The following TUSC3 variants were observed in gnomAD, a reference collection of about 807,000 sequenced individuals.
TUSC3 encodes the protein dolichyl-diphosphooligosaccharide--protein glycosyltransferase subunit TUSC3.
In TUSC3, 45 loss-of-function variants were observed where a neutral mutation model predicts 44.8. That is an observed-to-expected ratio of 1.00 (90% CI 0.79 to 1.29). The LOEUF (loss-of-function observed/expected upper bound fraction) is 1.29, where lower values mean the gene tolerates loss of function less well. Among genes scored for constraint, TUSC3 ranks in the 50% most tolerant of loss-of-function variants. The probability of loss-of-function intolerance (pLI) is 0.00; values close to 1 mark genes in which losing one functional copy is unlikely to be tolerated. For missense variants in TUSC3, 519 were observed against 437.9 expected (o/e 1.19, Z -1.65); for synonymous variants, 212 against 152.9 (o/e 1.39, Z -2.85).
chr8:15,744,669 G>A (rs994868409), intron 8 of TUSC3, among the ~76,000 whole-genome samples: 1 of 150,606 alleles, frequency 6.6e-6, no homozygotes, highest in Non-Finnish European at 1.5e-5. Context: ...CTTTTCCTAT[G>A]GTATCATCTA....
intron 1 of TUSC3, among the ~76,000 whole-genome samples, chr8:15,425,504 A>G (rs1252366459): frequency 6.6e-6 from 1 of 152,216 alleles, no homozygotes; most frequent in Non-Finnish European, 1.5e-5. Flanking sequence ...AGAAGGCAAG[A>G]GAGATGGTTT....
chr8:15,748,444 A>G lies in TUSC3; in HGVS notation c.1007A>G (p.Lys336Arg). 6.2e-7 allele frequency: 1 copy of G among 1,613,084 alleles called. No homozygotes were observed. The highest frequency in any genetic ancestry group is 8.5e-7 in the Non-Finnish European group (1 of 1,179,252). Residue 336 changes from lysine (K) to arginine (R), a missense_variant, in exon 9 of 11, where the codon AAG (lysine) becomes AGG (arginine). By Grantham distance (26) the Lys-to-Arg change is conservative. Coordinates refer to ENST00000503731, the MANE Select transcript of TUSC3 (RefSeq NM_006765.4). ...FSFLLSIFRS[K>R]YHGYPYSDLD... is the part of the protein sequence containing the mutation. ...TTTCTACTTTCAATATTTCGTTCCA[A>G]GTACCACGGCTATCCTTATAGGTAA... is the stretch of plus-strand genomic sequence containing the variant.
chr8:15,458,542 G>A (rs1341462459), intron 1 of TUSC3, among the ~76,000 whole-genome samples: 1 of 152,098 alleles, frequency 6.6e-6, no homozygotes, highest in Non-Finnish European at 1.5e-5. Flanking sequence ...CCCAGCCAGT[G>A]CTTATTTCAT....
chr8:15,818,375 A>G, the TUSC3 span, among the ~76,000 whole-genome samples: 1 of 152,196 alleles, frequency 6.6e-6, no homozygotes, highest in Non-Finnish European at 1.5e-5. Context: ...TTTTCTGTAT[A>G]AATTATTATT....
chr8:15,672,276 A>C (rs760812970), intron 5 of TUSC3, among the ~76,000 whole-genome samples: 1 of 152,048 alleles, frequency 6.6e-6, no homozygotes, highest in Admixed American at 6.6e-5. Context: ...AATGCTCTAC[A>C]TGGATTAACC....
At chr8:15,805,408 G>A in the TUSC3 span, among the ~76,000 whole-genome samples, 3 of 152,110 alleles carry the variant, frequency 2.0e-5, no homozygotes, top group Non-Finnish European at 4.4e-5. Context: ...TTGTCTTGCT[G>A]TAGATCTTAG....
chr8:15,426,093 G>A (rs1585783141), intron 1 of TUSC3, among the ~76,000 whole-genome samples: 2 of 152,138 alleles, frequency 1.3e-5, no homozygotes, highest in African/African-American at 4.8e-5. Flanking sequence ...GCTGTATTTA[G>A]GTGTAATTGA....
At chr8:15,519,479 A>G (rs1041394199) in intron 2 of TUSC3, among the ~76,000 whole-genome samples, 1 of 152,146 alleles carries the variant, frequency 6.6e-6, no homozygotes, top group Admixed American at 6.5e-5. Flanking sequence ...TTGGCCTATT[A>G]GGAACCAGGC....
the TUSC3 span, among the ~76,000 whole-genome samples, chr8:15,775,844 T>C: frequency 6.6e-6 from 1 of 151,066 alleles, no homozygotes; most frequent in Non-Finnish European, 1.5e-5. Context: ...GAATGGATTC[T>C]TTTTCCTGTT....
At chr8:15,556,803 T>C (rs1421886609) in intron 1 of TUSC3, among the ~76,000 whole-genome samples, 2 of 127,914 alleles carry the variant, frequency 1.6e-5, no homozygotes, top group Non-Finnish European at 3.4e-5. Flanking sequence ...AAATGTCTTC[T>C]TTTGAGAAGT....
At chr8:15,563,685 C>CAAAAAAAAAAAAAAAA (rs150368776) in intron 1 of TUSC3, among the ~76,000 whole-genome samples, 35 of 79,938 alleles carry the variant, frequency 4.4e-4, no homozygotes, top group African/African-American at 9.9e-4. Context: ...GCCTCCATCT[C>CAAAAAAAAAAAAAAAA]AAAAAAAAAA....
chr8:15,629,822 T>G (rs954221608), intron 2 of TUSC3, among the ~76,000 whole-genome samples: 4 of 152,076 alleles, frequency 2.6e-5, no homozygotes, highest in African/African-American at 9.7e-5. Flanking sequence ...GGCTGGTGAA[T>G]GAGCTTTTGG....
rs189189719 is a variant in TUSC3, at chr8:15,555,229, A to C, written c.138+14661A>C. ...AGTGGTGTGATCTTGGCTTACTGCAACCTCTGCCTCCTTGGCCCTTGGTTC... is the reference window on the plus strand; with the variant it reads ...AGTGGTGTGATCTTGGCTTACTGCACCCTCTGCCTCCTTGGCCCTTGGTTC... On this transcript the variant is annotated intron_variant, in intron 1 of 10. Coordinates refer to ENST00000503731, the MANE Select transcript of TUSC3 (RefSeq NM_006765.4). Among the ~76,000 whole-genome samples the C allele has an allele frequency of 2.4e-5, 3 of 125,150 alleles. No homozygotes were observed. In the East Asian group the frequency reaches 7.2e-4, roughly 30 times the overall value. 82.1% of individuals were successfully genotyped at this position (125,150 alleles called of 152,430 possible).
the TUSC3 span, among the ~76,000 whole-genome samples, chr8:15,784,859 AATG>A: frequency 1.7e-3 from 255 of 152,266 alleles, 2 homozygotes; most frequent in African/African-American, 5.9e-3. Flanking sequence ...AGTCAATAAC[AATG>A]TATTGTGTAT....
At chr8:15,487,795 C>A in intron 2 of TUSC3, among the ~76,000 whole-genome samples, 1 of 151,616 alleles carries the variant, frequency 6.6e-6, no homozygotes, top group East Asian at 1.9e-4. Context: ...TTCCAAGGAT[C>A]ACTTCATTTG....
At chr8:15,508,016 T>C (rs1801081718) in intron 2 of TUSC3, among the ~76,000 whole-genome samples, 1 of 151,970 alleles carries the variant, frequency 6.6e-6, no homozygotes, top group Non-Finnish European at 1.5e-5. Context: ...CCGAAGTGGG[T>C]GGATCACTTG....
intron 1 of TUSC3, among the ~76,000 whole-genome samples, chr8:15,573,554 C>G (rs539499435): frequency 4.6e-4 from 70 of 152,000 alleles, no homozygotes; most frequent in Non-Finnish European, 7.9e-4. Context: ...CTCCTTCCCC[C>G]CTCATCCCTT....
At chr8:15,805,472 A>T in the TUSC3 span, among the ~76,000 whole-genome samples, 15 of 152,288 alleles carry the variant, frequency 9.8e-5, no homozygotes, top group East Asian at 2.9e-3. Context: ...TGGGTTTGTC[A>T]TAGATGGATC....
At chr8:15,458,201 G>A (rs1800287276) in intron 1 of TUSC3, among the ~76,000 whole-genome samples, 1 of 151,978 alleles carries the variant, frequency 6.6e-6, no homozygotes. Context: ...AAAGGTCAAG[G>A]CCCTAACTTT....
Sources: allele counts gnomAD v4.1 joint callset (sites outside exome capture counted in the v4.1 genomes callset), GRCh38; gene constraint gnomAD v4.1.1; transcripts MANE v1.5; gene names NCBI Gene and HGNC (gene_info 2026-07-23, HGNC 2026-07-21).